Variants in PRKN observed in about 807,000 individuals in gnomAD.
PRKN encodes the protein parkin RBR E3 ubiquitin protein ligase.
PRKN carries 56 observed loss-of-function variants against 59.5 expected under a neutral mutation model. The observed-to-expected ratio is 0.94, with a 90% CI of 0.76 to 1.18. The LOEUF is 1.18. Among genes scored for constraint, PRKN ranks in the 50% most tolerant of loss-of-function variants. The pLI, the probability that PRKN is intolerant of heterozygous loss-of-function variation, is 0.00. For synonymous variants in PRKN, 250 were observed against 222.1 expected, an observed-to-expected ratio of 1.13 and a Z score of -1.12; for missense variants, 657 against 596.4, an observed-to-expected ratio of 1.10 and a Z score of -1.06.
At chr6:162,090,616 C>T (rs777382717) in intron 4 of PRKN, among the ~76,000 whole-genome samples, 20 of 152,088 alleles carry the variant, frequency 1.3e-4, no homozygotes, top group Non-Finnish European at 2.6e-4. Flanking sequence ...AAAGCTCTAG[C>T]TACACAACGA....
intron 1 of PRKN, among the ~76,000 whole-genome samples, chr6:162,626,330 A>G (rs1782890853): frequency 6.6e-6 from 1 of 152,206 alleles, no homozygotes; most frequent in Admixed American, 6.5e-5. Context: ...TTTGCAAAAC[A>G]CAAGACCTCT....
chr6:162,216,561 A>C (rs929789434), intron 3 of PRKN, among the ~76,000 whole-genome samples: 4 of 150,912 alleles, frequency 2.7e-5, no homozygotes, highest in South Asian at 2.1e-4. Context: ...AAAAAAAAAA[A>C]AAACCCAGTT....
chr6:162,493,473 T>A (rs183849383), intron 1 of PRKN, among the ~76,000 whole-genome samples: 4 of 152,274 alleles, frequency 2.6e-5, no homozygotes, highest in Admixed American at 2.0e-4. Flanking sequence ...AATAGAGTTA[T>A]CAGGTGACTA....
At chr6:161,700,606 C>T (rs1786213277) in intron 7 of PRKN, among the ~76,000 whole-genome samples, 1 of 152,142 alleles carries the variant, frequency 6.6e-6, no homozygotes, top group African/African-American at 2.4e-5. Context: ...CAACTAAAAC[C>T]AAACCAAACA....
intron 4 of PRKN, among the ~76,000 whole-genome samples, chr6:162,186,349 T>A (rs1784029793): frequency 6.6e-6 from 1 of 151,534 alleles, no homozygotes; most frequent in African/African-American, 2.4e-5. Flanking sequence ...CAAAGCCAAA[T>A]CAAGCAGAAA....
chr6:161,564,160 C>T (rs1018519815), intron 8 of PRKN, among the ~76,000 whole-genome samples: 21 of 152,296 alleles, frequency 1.4e-4, no homozygotes, highest in African/African-American at 4.8e-4. Flanking sequence ...GCAGTTGCCC[C>T]CACCGCTGGC....
intron 6 of PRKN, among the ~76,000 whole-genome samples, chr6:161,871,555 A>C (rs984224581): frequency 6.6e-6 from 1 of 152,208 alleles, no homozygotes; most frequent in Non-Finnish European, 1.5e-5. Context: ...TAGACTCTAC[A>C]AAGAATGATA....
chr6:162,160,119 A>G (rs921090746), intron 4 of PRKN, among the ~76,000 whole-genome samples: 3 of 152,238 alleles, frequency 2.0e-5, no homozygotes, highest in Admixed American at 6.5e-5. Flanking sequence ...AAGCATGCAC[A>G]GACTAAGAGA....
intron 6 of PRKN, among the ~76,000 whole-genome samples, chr6:161,890,698 C>T (rs1483611317): frequency 1.3e-5 from 2 of 152,176 alleles, no homozygotes; most frequent in African/African-American, 4.8e-5. Context: ...CTGTCTTTCT[C>T]TATTCAAGGC....
At chr6:162,199,994 A>C (rs1303948844) in intron 4 of PRKN, among the ~76,000 whole-genome samples, 1 of 152,128 alleles carries the variant, frequency 6.6e-6, no homozygotes, top group Non-Finnish European at 1.5e-5. Context: ...GTCTAATGGC[A>C]AACTGTCCTC....
At chr6:162,132,375 C>T (rs1256415876) in intron 4 of PRKN, among the ~76,000 whole-genome samples, 1 of 152,110 alleles carries the variant, frequency 6.6e-6, no homozygotes, top group Non-Finnish European at 1.5e-5. Flanking sequence ...CGACCACGGA[C>T]AGGCCATACC....
At chr6:162,418,610 GACA>G (rs1788768159) in intron 2 of PRKN, among the ~76,000 whole-genome samples, 2 of 143,920 alleles carry the variant, frequency 1.4e-5, no homozygotes, top group South Asian at 2.2e-4. Context: ...GAGAGGGACA[GACA>G]GTGTGTGTGT....
chr6:162,333,065 T>C (rs1456839767), intron 2 of PRKN, among the ~76,000 whole-genome samples: 2 of 152,158 alleles, frequency 1.3e-5, no homozygotes, highest in East Asian at 1.9e-4. Context: ...TTTATTTCCA[T>C]AGTTTAAAGA....
chr6:162,424,246 G>A (rs1463185632), intron 2 of PRKN, among the ~76,000 whole-genome samples: 1 of 152,170 alleles, frequency 6.6e-6, no homozygotes, highest in African/African-American at 2.4e-5. Context: ...TCAGGGTAGA[G>A]GGAAGAAATG....
rs140175036 is a variant in PRKN, at chr6:162,716,467, T to C, written c.7+11195A>G. ...GGGAGCATGAAGTGTCTAACGCTCA[T>C]AGGGAACTGTCAAATCAGAAAGCAA... is the stretch of plus-strand genomic sequence containing the variant. On this transcript the variant is annotated intron_variant, in intron 1 of 11. Coordinates refer to ENST00000366898, the MANE Select transcript of PRKN (RefSeq NM_004562.3). 2.4e-4 allele frequency among the ~76,000 whole-genome samples: 36 copies of C among 152,336 alleles called. 1 individual carries two copies. The highest frequency in any genetic ancestry group is 7.5e-4 in the African/African-American group (31 of 41,586).
rs1390650337 is a variant in PRKN, at chr6:161,413,179, G to C, written c.1084-26302C>G. Among the ~76,000 whole-genome samples, 2 of 152,164 alleles carry C rather than the reference G, an allele frequency of 1.3e-5. No homozygotes were observed. Among genetic ancestry groups the C allele is most frequent in the Admixed American group, 6.5e-5 (1 of 15,280 alleles). ...GAGGGGCGGAGGAATGTGCATTTAGGGTCGTGGGACCCCTTCCCATTTATT... is the reference window on the plus strand; with the variant it reads ...GAGGGGCGGAGGAATGTGCATTTAGCGTCGTGGGACCCCTTCCCATTTATT... On this transcript the variant is annotated intron_variant, in intron 9 of 11. Coordinates refer to ENST00000366898, the MANE Select transcript of PRKN (RefSeq NM_004562.3). The surrounding 1 kb of genome is among the most constrained non-coding windows in gnomAD (Gnocchi z 4.4).
rs916342541 is a variant in PRKN at position 162,499,645 on chromosome 6, T to C, written c.8-56172A>G. Reference sequence around the variant, plus strand: ...AAAGACTTTTGGAAAATTAATCTTTTTGTGCAACTCCTGGCATTAGCTAAG... The same window carrying C: ...AAAGACTTTTGGAAAATTAATCTTTCTGTGCAACTCCTGGCATTAGCTAAG... On this transcript the variant is annotated intron_variant, in intron 1 of 11. Coordinates refer to ENST00000366898, the MANE Select transcript of PRKN (RefSeq NM_004562.3). 3.3e-5 allele frequency among the ~76,000 whole-genome samples: 5 copies of C among 152,320 alleles called. 1 individual carries two copies. In the South Asian group the frequency reaches 8.3e-4, roughly 25 times the overall value.
intron 5 of PRKN, among the ~76,000 whole-genome samples, chr6:162,034,616 T>C (rs983422289): frequency 6.6e-6 from 1 of 152,236 alleles, no homozygotes; most frequent in Admixed American, 6.5e-5. Context: ...ACTTTGGTAC[T>C]GATTTTGTTA....
In PRKN at chr6:162,218,083, G is replaced by C. The variant is rs186871855; in HGVS notation, c.413-16831C>G. 6.2e-3 allele frequency among the ~76,000 whole-genome samples: 945 copies of C among 152,316 alleles called. 13 individuals carry two copies. Among genetic ancestry groups the C allele is most frequent in the African/African-American group, 0.022 (903 of 41,566 alleles). ...GCCTTTCAGAGGACTAAGCTGCTGTGGCAACAGCCAGCCACAGCCCTCCAG... is the reference window on the plus strand; with the variant it reads ...GCCTTTCAGAGGACTAAGCTGCTGTCGCAACAGCCAGCCACAGCCCTCCAG... On this transcript the variant is annotated intron_variant, in intron 3 of 11. Coordinates refer to ENST00000366898, the MANE Select transcript of PRKN (RefSeq NM_004562.3).
Sources: allele counts gnomAD v4.1 joint callset (sites outside exome capture counted in the v4.1 genomes callset), GRCh38; gene constraint gnomAD v4.1.1; non-coding constraint Gnocchi (gnomAD v3.1); transcripts MANE v1.5; gene names NCBI Gene and HGNC (gene_info 2026-07-23, HGNC 2026-07-21).